Variants in OR4D10 observed in about 807,000 individuals in gnomAD.
The protein encoded by OR4D10 is olfactory receptor 4D10.
For synonymous variants in OR4D10, 188 were observed against 153.2 expected (o/e 1.23, Z -1.68); for missense variants, 395 against 378.0 (o/e 1.04, Z -0.37).
At chr11:59,475,060 CAAAA>C (rs771979917) in intron 2 of OR4D10, among the ~76,000 whole-genome samples, 5 of 66,782 alleles carry the variant, frequency 7.5e-5, no homozygotes, top group South Asian at 8.4e-4. Context: ...GACTCTGTCT[CAAAA>C]AAAAAAAAAA....
chr11:59,475,217 A>G (rs1858890910), intron 2 of OR4D10, among the ~76,000 whole-genome samples: 1 of 152,110 alleles, frequency 6.6e-6, no homozygotes, highest in South Asian at 2.1e-4. Flanking sequence ...CCTAGGCACC[A>G]TTGAATGTAA....
chr11:59,478,449 A>C lies in OR4D10; in HGVS notation c.*84A>C. 1.0e-6 allele frequency: 1 copy of C among 993,846 alleles called. No individual in the cohort carries two copies. Among genetic ancestry groups the C allele is most frequent in the Non-Finnish European group, 1.4e-6 (1 of 702,374 alleles). 61.6% of individuals were successfully genotyped at this position (993,846 alleles called of 1,614,324 possible). On this transcript the variant is annotated 3_prime_UTR_variant, in exon 3 of 3. Transcript: ENST00000530162. ...TGAAGTCATATTCATATATTCAAAT[A>C]TATTGTCAAACCAACTACACTTAGT...
At chr11:59,476,214 C>T (rs1268153324) in intron 2 of OR4D10, among the ~76,000 whole-genome samples, 2 of 152,156 alleles carry the variant, frequency 1.3e-5, no homozygotes, top group Admixed American at 6.5e-5. Context: ...GGGACGTCAA[C>T]GCTCTCCAGC....
At position 59,478,340 on chromosome 11, in the gene OR4D10, G is replaced by A. The variant is rs753771768; in HGVS notation, c.911G>A (p.Arg304Lys). Residue 304 changes from arginine to lysine, a missense_variant, in exon 3 of 3, where the codon AGA (arginine) becomes AAA (lysine). Coordinates refer to ENST00000530162, the MANE Select transcript of OR4D10 (RefSeq NM_001004705.2). Reference sequence around the variant, plus strand: ...TCAGCCATGAGGAGACTGAAGAGAAGACTTGTGCCTTCTGATAGAAAATAG... The same window carrying A: ...TCAGCCATGAGGAGACTGAAGAGAAAACTTGTGCCTTCTGATAGAAAATAG... ...MKSAMRRLKR[R>K]LVPSDRK is the part of the protein sequence containing the mutation. 7 of 1,598,384 alleles carry A rather than the reference G, an allele frequency of 4.4e-6. No homozygotes were observed. Among genetic ancestry groups the A allele is most frequent in the South Asian group, 2.3e-5 (2 of 88,482 alleles).
In OR4D10 at chr11:59,478,535, T is replaced by C. The variant is rs1858936826; in HGVS notation, c.*170T>C. ...TGATAAGCTTCTGGTCAGGGAGAGA[T>C]TCACACCTTCTAATTGAAAATAAAC... On this transcript the variant is annotated 3_prime_UTR_variant, in exon 3 of 3. Coordinates refer to ENST00000530162, the MANE Select transcript of OR4D10 (RefSeq NM_001004705.2). 2.1e-6 allele frequency: 1 copy of C among 468,310 alleles called. No homozygotes were observed. Among genetic ancestry groups the C allele is most frequent in the African/African-American group, 2.0e-5 (1 of 50,384 alleles). 29.0% of individuals were successfully genotyped at this position (468,310 alleles called of 1,614,324 possible). A position where few individuals can be genotyped will look rare whatever the true frequency, so the allele number is the denominator to read the frequency against.
chr11:59,474,662 C>T (rs1858880453), intron 2 of OR4D10, among the ~76,000 whole-genome samples: 1 of 152,084 alleles, frequency 6.6e-6, no homozygotes, highest in Admixed American at 6.6e-5. Flanking sequence ...GTCTTTTTCT[C>T]ACCCCAACAC....
chr11:59,475,524 T>A (rs1319592839), intron 2 of OR4D10, among the ~76,000 whole-genome samples: 1 of 152,196 alleles, frequency 6.6e-6, no homozygotes, highest in African/African-American at 2.4e-5. Context: ...ACCAGCATCA[T>A]CTCCCATGTG....
In OR4D10 at chr11:59,478,376, C is replaced by A; in HGVS notation, c.*11C>A. 2 of 1,522,234 alleles carry A rather than the reference C, an allele frequency of 1.3e-6. No individual in the cohort carries two copies. Among genetic ancestry groups the A allele is most frequent in the Non-Finnish European group, 8.9e-7 (1 of 1,128,028 alleles). 94.3% of individuals were successfully genotyped at this position (1,522,234 alleles called of 1,614,324 possible). ...TCTGATAGAAAATAGAAAAAAAAAT[C>A]CTCAGCTCTTCATCACCAAAGATAT... On this transcript the variant is annotated 3_prime_UTR_variant, in exon 3 of 3. Transcript: ENST00000530162.
chr11:59,475,167 C>T (rs963053969), intron 2 of OR4D10, among the ~76,000 whole-genome samples: 1 of 151,880 alleles, frequency 6.6e-6, no homozygotes, highest in Non-Finnish European at 1.5e-5. Context: ...GAACAAGAAG[C>T]TCAGCAGGCT....
At chr11:59,474,218 T>C (rs1439016717) in intron 2 of OR4D10, among the ~76,000 whole-genome samples, 1 of 152,232 alleles carries the variant, frequency 6.6e-6, no homozygotes, top group Non-Finnish European at 1.5e-5. Flanking sequence ...TACCACTTCA[T>C]ATATACAAAG....
rs371754763 is a variant in OR4D10, at chr11:59,478,339, A to C, written c.910A>C (p.Arg304=). ...GTCAGCCATGAGGAGACTGAAGAGA[A>C]GACTTGTGCCTTCTGATAGAAAATA... ...MKSAMRRLKR[R]LVPSDRK is the part of the protein sequence containing the mutation. Residue 304 remains arginine (R), a synonymous_variant, in exon 3 of 3, where the codon AGA becomes CGA. Transcript: ENST00000530162. The C allele has an allele frequency of 6.3e-7, 1 of 1,599,516 alleles. No homozygotes were observed. Among genetic ancestry groups the C allele is most frequent in the African/African-American group, 1.3e-5 (1 of 74,502 alleles).
chr11:59,474,247 T>G (rs1486613463), intron 2 of OR4D10, among the ~76,000 whole-genome samples: 1 of 152,194 alleles, frequency 6.6e-6, no homozygotes, highest in Non-Finnish European at 1.5e-5. Context: ...TACTGGATTT[T>G]GTTACTGACA....
At position 59,478,578 on chromosome 11, in the gene OR4D10, T is replaced by C. The variant is rs1341336732; in HGVS notation, c.*213T>C. 2.5e-6 allele frequency: 1 copy of C among 392,972 alleles called. No homozygotes were observed. The highest frequency in any genetic ancestry group is 2.1e-5 in the African/African-American group (1 of 48,348). The allele number at this position is 392,972 out of a possible 1,614,324, so 24.3% of individuals were successfully genotyped here. On this transcript the variant is annotated 3_prime_UTR_variant, in exon 3 of 3. Coordinates refer to ENST00000530162, the MANE Select transcript of OR4D10 (RefSeq NM_001004705.2). ...AAATAAACCAGAGCTCCCTCCTCTT[T>C]ACCACCAAGATTTTGTTTCATGATT... is the stretch of plus-strand genomic sequence containing the variant.
In OR4D10 at chr11:59,478,540, A is replaced by G. The variant is rs1038282382; in HGVS notation, c.*175A>G. On this transcript the variant is annotated 3_prime_UTR_variant, in exon 3 of 3. Coordinates refer to ENST00000530162, the MANE Select transcript of OR4D10 (RefSeq NM_001004705.2). ...AGCTTCTGGTCAGGGAGAGATTCAC[A>G]CCTTCTAATTGAAAATAAACCAGAG... 9 of 458,334 alleles carry G rather than the reference A, an allele frequency of 2.0e-5. No individual in the cohort carries two copies. The highest frequency in any genetic ancestry group is 3.4e-5 in the Non-Finnish European group (9 of 266,514). 28.4% of individuals were successfully genotyped at this position (458,334 alleles called of 1,614,324 possible).
chr11:59,474,276 A>T (rs931502930), intron 2 of OR4D10, among the ~76,000 whole-genome samples: 3 of 152,152 alleles, frequency 2.0e-5, no homozygotes, highest in Admixed American at 2.0e-4. Context: ...CATATCTCTT[A>T]CCACAGGTGA....
rs1295203344 is a variant in OR4D10, at chr11:59,477,521, T to C, written c.92T>C (p.Leu31Pro). Residue 31 changes from leucine to proline, a missense_variant, in exon 3 of 3, where the codon CTA becomes CCA. By Grantham distance (98) the Leu-to-Pro change is moderately conservative (BLOSUM62 -3). Coordinates refer to ENST00000530162, the MANE Select transcript of OR4D10 (RefSeq NM_001004705.2). The part of the protein sequence containing the change: ...REVSLVLFLF[L>P]LLVYVTTLLG... ...GTGAGCTTAGTCTTATTTCTTTTCCTACTCTTGGTGTATGTGACAACTTTG... is the reference window on the plus strand; with the variant it reads ...GTGAGCTTAGTCTTATTTCTTTTCCCACTCTTGGTGTATGTGACAACTTTG... The C allele has an allele frequency of 6.2e-7, 1 of 1,614,024 alleles. No homozygotes were observed. Among genetic ancestry groups the C allele is most frequent in the Admixed American group, 1.7e-5 (1 of 60,002 alleles).
chr11:59,474,567 A>G (rs1858879198), intron 2 of OR4D10, among the ~76,000 whole-genome samples: 2 of 152,042 alleles, frequency 1.3e-5, no homozygotes, highest in African/African-American at 4.8e-5. Context: ...TGATCCCTCC[A>G]CCCTCTAAGC....
rs749790627 is a variant in OR4D10, at chr11:59,478,308, G to A, written c.879G>A (p.Glu293=). ...TGATCTACACTCTGAGGAACCATGA[G>A]ATGAAGTCAGCCATGAGGAGACTGA... ...NPLIYTLRNH[E]MKSAMRRLKR... is the part of the protein sequence containing the mutation. Residue 293 remains glutamate (E), a synonymous_variant, in exon 3 of 3, where the codon GAG becomes GAA. Coordinates refer to ENST00000530162, the MANE Select transcript of OR4D10 (RefSeq NM_001004705.2). 4.3e-6 allele frequency: 7 copies of A among 1,613,762 alleles called. No homozygotes were observed. In the East Asian group the frequency reaches 1.6e-4, roughly 36 times the overall value.
rs369674637 is a variant in OR4D10, at chr11:59,477,390, G to A, written c.-40G>A. On this transcript the variant is annotated 5_prime_UTR_variant, in exon 3 of 3. It removes an upstream start codon present in the reference 5' UTR. Coordinates refer to ENST00000530162, the MANE Select transcript of OR4D10 (RefSeq NM_001004705.2). ...AATAAATATCCCAGTGCTTTCACAT[G>A]ACATGGTTTAAAACCAAAGAGAATA... 2.1e-5 allele frequency: 30 copies of A among 1,422,690 alleles called. No individual in the cohort carries two copies. In the African/African-American group the frequency reaches 3.9e-4, roughly 18 times the overall value. 88.1% of individuals were successfully genotyped at this position (1,422,690 alleles called of 1,614,324 possible). A position where few individuals can be genotyped will look rare whatever the true frequency, so the allele number is the denominator to read the frequency against.
Sources: allele counts gnomAD v4.1 joint callset (sites outside exome capture counted in the v4.1 genomes callset), GRCh38; gene constraint gnomAD v4.1.1; transcripts MANE v1.5; gene names NCBI Gene and HGNC (gene_info 2026-07-23, HGNC 2026-07-21).